Variants in OPA1 observed in about 807,000 individuals in gnomAD.
The protein encoded by OPA1 is dynamin-like GTPase OPA1, mitochondrial.
OPA1 carries 59 observed loss-of-function variants against 152.9 expected under a neutral mutation model. The ratio of observed to expected loss-of-function variants is 0.39; its 90% CI spans 0.31 to 0.48. The LOEUF (loss-of-function observed/expected upper bound fraction) is 0.48, where lower values mean the gene tolerates loss of function less well. Ranked by LOEUF, OPA1 falls within the 20% of genes least tolerant of loss-of-function variation. OPA1 has a pLI of 0.96. For synonymous variants in OPA1, 400 were observed against 389.9 expected (o/e 1.03, Z -0.31); for missense variants, 1,008 against 1,216.8 (o/e 0.83, Z 2.55).
chr3:193,609,120 T>C (rs1000673007), intron 1 of OPA1, among the ~76,000 whole-genome samples: 1 of 152,188 alleles, frequency 6.6e-6, no homozygotes, highest in African/African-American at 2.4e-5. Flanking sequence ...ATGGGTTTCC[T>C]GAATACAGCA....
At chr3:193,629,177 T>G (rs1239108034) in intron 7 of OPA1, among the ~76,000 whole-genome samples, 1 of 151,846 alleles carries the variant, frequency 6.6e-6, no homozygotes, top group African/African-American at 2.4e-5. Context: ...CCTCCCAGAG[T>G]GCTGGGATTA....
chr3:193,679,684 AT>A (rs1162168903), intron 29 of OPA1, among the ~76,000 whole-genome samples: 3 of 152,138 alleles, frequency 2.0e-5, no homozygotes, highest in African/African-American at 7.2e-5. Context: ...AGTTCATATA[AT>A]TTGGCTTCTT....
At chr3:193,624,187 A>G (rs575690867) in intron 6 of OPA1, 2 of 152,392 alleles carry the variant, frequency 1.3e-5, no homozygotes, top group South Asian at 2.1e-4. Context: ...AATGTGGAAT[A>G]TGGCTGATCC....
At position 193,666,162 on chromosome 3, in the gene OPA1, G is replaced by A. The variant is rs1332334292; in HGVS notation, c.2779-134G>A. ...AAGGATTCTGTAGCTTATATCTACA[G>A]TATATGCATTAGGTAAATCTGAGTA... is the stretch of plus-strand genomic sequence containing the variant. On this transcript the variant is annotated intron_variant, in intron 27 of 30. Coordinates refer to ENST00000361510, the MANE Select transcript of OPA1 (RefSeq NM_130837.3). 8.0e-6 allele frequency: 6 copies of A among 746,004 alleles called. No homozygotes were observed. The Admixed American group carries it at 1.2e-4, about 15-fold the overall frequency. The allele number at this position is 746,004 out of a possible 1,614,324, so 46.2% of individuals were successfully genotyped here.
chr3:193,669,493 G>C (rs1010052793), intron 29 of OPA1, among the ~76,000 whole-genome samples: 2 of 152,128 alleles, frequency 1.3e-5, no homozygotes, highest in Non-Finnish European at 2.9e-5. Flanking sequence ...CAGAGCCTTA[G>C]CTTCTTTATT....
In OPA1 at chr3:193,666,374, C is replaced by T. The variant is rs1231786410; in HGVS notation, c.2857C>T (p.Leu953Phe). ...AITANTLRQQLTNTEVRRLEK... is the reference protein window; with the variant it reads ...AITANTLRQQFTNTEVRRLEK... The stretch of plus-strand genomic sequence containing the variant: ...CACCGCAAATACTTTAAGGCAACAA[C>T]TTACAAATACTGAAGGTAAGCCACA... Residue 953 changes from leucine (L) to phenylalanine (F), a missense_variant, in exon 28 of 31, where the codon CTT (leucine) becomes TTT (phenylalanine). Leu to Phe is a conservative substitution (Grantham distance 22). This residue lies in a region of OPA1 where 137 missense variants were observed against 171.0 expected (regional missense o/e 0.80). Transcript: ENST00000361510. The T allele has an allele frequency of 3.7e-6, 6 of 1,613,468 alleles. No individual in the cohort carries two copies. Among genetic ancestry groups the T allele is most frequent in the East Asian group, 2.2e-5 (1 of 44,882 alleles).
chr3:193,602,338 A>C (rs150782876), intron 1 of OPA1, among the ~76,000 whole-genome samples: 62 of 152,294 alleles, frequency 4.1e-4, no homozygotes, highest in Non-Finnish European at 8.1e-4. Flanking sequence ...TTCAAGAGTG[A>C]TCTTCTTCTG....
intron 29 of OPA1, among the ~76,000 whole-genome samples, chr3:193,686,493 A>G (rs1290474936): frequency 6.6e-6 from 1 of 152,200 alleles, no homozygotes; most frequent in Non-Finnish European, 1.5e-5. Context: ...TCCTTCATCT[A>G]TCTGTTTGGT....
intron 9 of OPA1, 103 bp from the exon 10 acceptor site, chr3:193,637,092 G>A: frequency 1.6e-6 from 1 of 636,862 alleles, no homozygotes; most frequent in Non-Finnish European, 2.7e-6. Flanking sequence ...CAATGATTAT[G>A]GAAAAACAAT....
chr3:193,604,860 C>CAAAAAAAAAAAAAAAAA (rs55904490), intron 1 of OPA1, among the ~76,000 whole-genome samples: 10 of 104,538 alleles, frequency 9.6e-5, no homozygotes, highest in East Asian at 3.1e-4. Flanking sequence ...AACTCCATCT[C>CAAAAAAAAAAAAAAAAA]AAAAAAAAAA....
chr3:193,648,556 G>A lies in OPA1; in HGVS notation c.1936-239G>A, dbSNP rs1711595228. On this transcript the variant is annotated intron_variant, in intron 20 of 30. Coordinates refer to ENST00000361510, the MANE Select transcript of OPA1 (RefSeq NM_130837.3). ...ATGCTTTCACATAACGTGAACAAGT[G>A]TTATGTGAAAAACTGCATTCAAACT... 4 of 466,418 alleles carry A rather than the reference G, an allele frequency of 8.6e-6. No homozygotes were observed. The South Asian group carries it at 9.0e-5, about 11-fold the overall frequency. The allele number at this position is 466,418 out of a possible 1,614,324, so 28.9% of individuals were successfully genotyped here.
In OPA1 at chr3:193,654,877, A is replaced by G. The variant is rs773826671; in HGVS notation, c.2028A>G (p.Gln676=). The G allele has an allele frequency of 3.8e-5, 61 of 1,613,750 alleles. No individual in the cohort carries two copies. The highest frequency in any genetic ancestry group is 8.3e-5 in the Admixed American group (5 of 59,994). Residue 676 remains glutamine, a synonymous_variant, in exon 22 of 31, where the codon CAA becomes CAG. Coordinates refer to ENST00000361510, the MANE Select transcript of OPA1 (RefSeq NM_130837.3). ...VTPKHWEEIL[Q]QSLWERVSTH... is the part of the protein sequence containing the mutation. Reference sequence around the variant, plus strand: ...TTTATTTCAGGGAGGAAATCCTTCAACAATCTTTGTGGGAAAGAGTATCAA... The same window carrying G: ...TTTATTTCAGGGAGGAAATCCTTCAGCAATCTTTGTGGGAAAGAGTATCAA...
chr3:193,641,957 G>A (rs1577237951), intron 11 of OPA1, among the ~76,000 whole-genome samples: 1 of 151,998 alleles, frequency 6.6e-6, no homozygotes, highest in African/African-American at 2.4e-5. Flanking sequence ...TCTACTAAAA[G>A]TACAAAAAAC....
intron 29 of OPA1, among the ~76,000 whole-genome samples, chr3:193,679,678 C>A (rs976773473): frequency 3.3e-5 from 5 of 152,068 alleles, no homozygotes; most frequent in African/African-American, 1.2e-4. Flanking sequence ...CAACCAAGTT[C>A]ATATAATTTG....
intron 26 of OPA1, among the ~76,000 whole-genome samples, chr3:193,664,402 G>A (rs993608226): frequency 6.6e-6 from 1 of 152,018 alleles, no homozygotes; most frequent in Non-Finnish European, 1.5e-5. Context: ...GACACTCAGA[G>A]TATCTAGTAA....
At chr3:193,682,193 G>T (rs913895435) in intron 29 of OPA1, among the ~76,000 whole-genome samples, 1 of 152,172 alleles carries the variant, frequency 6.6e-6, no homozygotes, top group Non-Finnish European at 1.5e-5. Context: ...GATCAAACCA[G>T]CCATAACATT....
rs532291435 is a variant in OPA1 at position 193,691,066 on chromosome 3, A to G, written c.2984-997A>G. Among the ~76,000 whole-genome samples, 3 of 152,302 alleles carry G rather than the reference A, an allele frequency of 2.0e-5. No individual in the cohort carries two copies. In the East Asian group the frequency reaches 5.8e-4, roughly 29 times the overall value. ...CTATCTCCACAAAAAAATTAAAAAT[A>G]AAAACTTAGCCAGGCGTGGTGGCAC... On this transcript the variant is annotated intron_variant, in intron 29 of 30. Transcript: ENST00000361510.
chr3:193,657,812 T>C (rs1471892968), intron 23 of OPA1, among the ~76,000 whole-genome samples: 1 of 152,228 alleles, frequency 6.6e-6, no homozygotes, highest in East Asian at 1.9e-4. Flanking sequence ...TTATGTAGAC[T>C]GCTCTCACTA....
At chr3:193,625,220 C>G (rs545241174) in intron 6 of OPA1, among the ~76,000 whole-genome samples, 155 of 152,004 alleles carry the variant, frequency 1.0e-3, no homozygotes, top group African/African-American at 3.5e-3. Flanking sequence ...TATCAATATA[C>G]TATTTTATAA....
Sources: gnomAD v4.1 joint callset for allele counts (sites outside exome capture counted in the v4.1 genomes callset) on GRCh38, gnomAD v4.1.1 for gene constraint, gnomAD v4.1.1 regional missense constraint, MANE v1.5 for transcripts, NCBI Gene and HGNC (gene_info 2026-07-23, HGNC 2026-07-21) for gene names.